Variants in STXBP3 observed in about 807,000 individuals in gnomAD.
The protein encoded by STXBP3 is syntaxin-binding protein 3.
In STXBP3, 41 loss-of-function variants were observed where a neutral mutation model predicts 85.7. The ratio of observed to expected loss-of-function variants is 0.48; its 90% confidence interval spans 0.37 to 0.62. The LOEUF is 0.62. STXBP3 is among the 20% of genes least tolerant of loss of function. The pLI, the probability that STXBP3 is intolerant of heterozygous loss-of-function variation, is 0.00. For synonymous variants in STXBP3, 229 were observed against 231.7 expected (o/e 0.99, Z 0.10); for missense variants, 563 against 703.1 (o/e 0.80, Z 2.25).
intron 6 of STXBP3, among the ~76,000 whole-genome samples, chr1:108,771,491 ATATAAATATATATG>A (rs1662409793): frequency 9.6e-5 from 10 of 104,492 alleles, no homozygotes; most frequent in Non-Finnish European, 1.6e-4. Context: ...TATATATCAT[ATATAAATATATATG>A]ATATATAAAT....
At chr1:108,788,957 G>A (rs141447350) in intron 11 of STXBP3, among the ~76,000 whole-genome samples, 56 of 152,140 alleles carry the variant, frequency 3.7e-4, no homozygotes, top group South Asian at 1.2e-3. Context: ...CCAGCTACTC[G>A]GGAAGCTGAG....
intron 6 of STXBP3, among the ~76,000 whole-genome samples, chr1:108,772,433 GATATCTATCTGTATAATATATAAATACAT>G (rs1557806741): frequency 1.6e-5 from 2 of 126,494 alleles, no homozygotes; most frequent in Non-Finnish European, 1.6e-5. Context: ...AAATACATAT[GATATCTATCTGTATAATATATAAATACAT>G]ATATCTATCT....
At chr1:108,778,683 T>G (rs1375930425) in intron 8 of STXBP3, among the ~76,000 whole-genome samples, 1 of 68,644 alleles carries the variant, frequency 1.5e-5, no homozygotes, top group East Asian at 2.0e-4. Context: ...TAGCTACTAT[T>G]CATAATTTAA....
rs1306390268 is a variant in STXBP3, at chr1:108,798,491, C to CTGCA, written c.1449+255_1449+258dup. ...AGTGCAGTGGCACAGTCTTGGCTCA[C>CTGCA]TGCAACCTTCGCCTCCCAGGTTCCA... is the stretch of plus-strand genomic sequence containing the variant. On this transcript the variant is annotated intron_variant, in intron 16 of 18. Transcript: ENST00000370008. 6.7e-5 allele frequency among the ~76,000 whole-genome samples: 10 copies of CTGCA among 149,494 alleles called. No individual in the cohort carries two copies. The East Asian group carries it at 1.9e-3, about 28-fold the overall frequency.
chr1:108,757,867 G>A (rs1468177005), intron 4 of STXBP3, among the ~76,000 whole-genome samples: 1 of 151,920 alleles, frequency 6.6e-6, no homozygotes, highest in East Asian at 1.9e-4. Flanking sequence ...ATATCTGAAT[G>A]AAATATATGA....
intron 5 of STXBP3, chr1:108,758,939 G>A (rs1165479492): frequency 6.5e-6 from 1 of 154,516 alleles, no homozygotes; most frequent in Non-Finnish European, 1.4e-5. Context: ...TTTTTAATCA[G>A]CATTTCAGTT....
At chr1:108,787,600 A>G (rs1662886597) in intron 11 of STXBP3, among the ~76,000 whole-genome samples, 1 of 152,030 alleles carries the variant, frequency 6.6e-6, no homozygotes, top group South Asian at 2.1e-4. Context: ...TACCTCCAGT[A>G]TAACATGAAA....
chr1:108,793,639 A>G lies in STXBP3; in HGVS notation c.1021A>G (p.Ile341Val), dbSNP rs1663025844. The G allele has an allele frequency of 6.2e-7, 1 of 1,611,258 alleles. No homozygotes were observed. Among genetic ancestry groups the G allele is most frequent in the Non-Finnish European group, 8.5e-7 (1 of 1,178,088 alleles). Residue 341 changes from isoleucine to valine, a missense_variant, in exon 12 of 19, where the codon ATT becomes GTT. By Grantham distance (29) the Ile-to-Val change is conservative (BLOSUM62 3). This residue lies in a region of STXBP3 where 494 missense variants were observed against 592.8 expected (regional missense o/e 0.83). Coordinates refer to ENST00000370008, the MANE Select transcript of STXBP3 (RefSeq NM_007269.4). ...AAAGATGCCCCATTTCCGAAAACAG[A>G]TTACTAAGGTAAGCAGTATTGTATA... ...MKKMPHFRKQ[I>V]TKQVVHLNLA...
Position 108,782,507 on chromosome 1 carries a change from G to A in STXBP3, c.895G>A (p.Val299Ile). ...WVRIRHRHIA[V>I]VLEEIPKLMK... is the part of the protein sequence containing the mutation. ...TAGAATTCGACATCGACATATTGCG[G>A]TTGTGTTAGAGTATGTGAACTCATT... Residue 299 changes from valine (V) to isoleucine (I), a missense_variant, in exon 10 of 19, where the codon GTT becomes ATT. By Grantham distance (29) the Val-to-Ile change is conservative. Coordinates refer to ENST00000370008, the MANE Select transcript of STXBP3 (RefSeq NM_007269.4). 2 of 1,613,334 alleles carry A rather than the reference G, an allele frequency of 1.2e-6. No homozygotes were observed. Among genetic ancestry groups the A allele is most frequent in the Non-Finnish European group, 1.7e-6 (2 of 1,179,688 alleles).
chr1:108,778,182 T>A (rs1662628101), intron 8 of STXBP3, among the ~76,000 whole-genome samples: 1 of 152,144 alleles, frequency 6.6e-6, no homozygotes, highest in Non-Finnish European at 1.5e-5. Flanking sequence ...ATTTTAAAAA[T>A]CTAGCCTATA....
intron 6 of STXBP3, among the ~76,000 whole-genome samples, chr1:108,761,433 T>C (rs1185796236): frequency 6.6e-6 from 1 of 152,196 alleles, no homozygotes; most frequent in Admixed American, 6.5e-5. Context: ...AAGATAAATA[T>C]AATTTTAGCC....
intron 6 of STXBP3, among the ~76,000 whole-genome samples, chr1:108,768,521 C>T (rs61797325): frequency 0.068 from 10,290 of 152,108 alleles, 383 homozygotes; most frequent in Admixed American, 0.084. Context: ...TGTAAAGATA[C>T]AGAATCAGAA....
rs531557054 is a variant in STXBP3, at chr1:108,771,726, CTA to C, written c.439-931_439-930del. ...ATATATAAATATATATGATATCTAT[CTA>C]TATATATCATATATAAATATATATG... On this transcript the variant is annotated intron_variant, in intron 6 of 18. Transcript: ENST00000370008. Among the ~76,000 whole-genome samples the C allele has an allele frequency of 3.5e-4, 4 of 11,570 alleles. 1 individual carries two copies. The highest frequency in any genetic ancestry group is 5.7e-4 in the Non-Finnish European group (3 of 5,296). 7.6% of individuals were successfully genotyped at this position (11,570 alleles called of 152,430 possible). A position where few individuals can be genotyped will look rare whatever the true frequency, so the allele number is the denominator to read the frequency against.
At chr1:108,807,308 T>A in intron 17 of STXBP3, 93 bp from the exon 18 acceptor site, 1 of 1,270,166 alleles carries the variant, frequency 7.9e-7, no homozygotes. Flanking sequence ...CAAGTTTGAG[T>A]TTGGTTGAGT....
intron 6 of STXBP3, chr1:108,767,113 C>T: frequency 3.1e-6 from 1 of 325,914 alleles, no homozygotes; most frequent in South Asian, 2.7e-5. Context: ...CTCTGCTGTT[C>T]ACCTACAACA....
chr1:108,750,877 A>G (rs1436912982), intron 1 of STXBP3, among the ~76,000 whole-genome samples: 1 of 152,176 alleles, frequency 6.6e-6, no homozygotes, highest in Non-Finnish European at 1.5e-5. Context: ...CGCTTAACTT[A>G]CTATTACCAG....
At chr1:108,752,678 G>T (rs1170331546) in intron 2 of STXBP3, among the ~76,000 whole-genome samples, 1 of 152,106 alleles carries the variant, frequency 6.6e-6, no homozygotes, top group African/African-American at 2.4e-5. Context: ...TATAAAAATG[G>T]TGATGGTAAT....
In STXBP3 at chr1:108,776,418, A is replaced by C; in HGVS notation, c.679A>C (p.Ile227Leu). 1 of 1,603,628 alleles carries C rather than the reference A, an allele frequency of 6.2e-7. No homozygotes were observed. The highest frequency in any genetic ancestry group is 8.5e-7 in the Non-Finnish European group (1 of 1,174,360). The stretch of plus-strand genomic sequence containing the variant: ...CTACAAGATTGATGAAAAGAGCCTA[A>C]TAAAGGTAATGTATGCAAGGCAAGT... ...DYYKIDEKSL[I>L]KGKTHSQLLI... Residue 227 changes from isoleucine (I) to leucine (L), a missense_variant, in exon 8 of 19, where the codon ATA (isoleucine) becomes CTA (leucine). Physicochemically the swap from Ile to Leu is conservative, Grantham distance 5 (BLOSUM62 2). This residue lies in a region of STXBP3 where 494 missense variants were observed against 592.8 expected (regional missense o/e 0.83). Transcript: ENST00000370008.
intron 17 of STXBP3, among the ~76,000 whole-genome samples, chr1:108,803,603 C>A (rs1407945784): frequency 6.6e-6 from 1 of 152,180 alleles, no homozygotes; most frequent in Non-Finnish European, 1.5e-5. Flanking sequence ...GTCCTCGTGT[C>A]TCAGCCTCCT....
Sources: gnomAD v4.1 joint callset for allele counts (sites outside exome capture counted in the v4.1 genomes callset) on GRCh38, gnomAD v4.1.1 for gene constraint, gnomAD v4.1.1 regional missense constraint, MANE v1.5 for transcripts, NCBI Gene and HGNC (gene_info 2026-07-23, HGNC 2026-07-21) for gene names.